CENPE: variants seen among roughly 807,000 people sequenced by gnomAD.
CENPE encodes the protein centromere protein E, also known as centromere-associated protein E.
A neutral mutation model predicts 336.1 loss-of-function variants in CENPE; 145 were observed. That is an observed-to-expected ratio of 0.43 (90% CI 0.38 to 0.50). The LOEUF is 0.50. Ranked by LOEUF, CENPE falls within the 20% of genes least tolerant of loss-of-function variation. The pLI, the probability that CENPE is intolerant of heterozygous loss-of-function variation, is 0.00. For synonymous variants in CENPE, 1,013 were observed against 984.8 expected, an observed-to-expected ratio of 1.03 and a Z score of -0.54; for missense variants, 2,719 against 3,023.3, an observed-to-expected ratio of 0.90 and a Z score of 2.36.
At position 103,147,592 on chromosome 4, in the gene CENPE, C is replaced by T. The variant is rs566313458; in HGVS notation, c.3898G>A (p.Glu1300Lys). The T allele has an allele frequency of 6.2e-7, 1 of 1,613,710 alleles. No individual in the cohort carries two copies. The highest frequency in any genetic ancestry group is 1.1e-5 in the South Asian group (1 of 91,072). Residue 1300 changes from glutamate (E) to lysine (K), a missense_variant, in exon 29 of 49, where the codon GAG (glutamate) becomes AAG (lysine). Physicochemically the swap from Glu to Lys is moderately conservative, Grantham distance 56. Around this residue, in one of 5 missense-constraint regions of CENPE, gnomAD observed 2,437 missense variants for 2,513.3 expected, o/e 0.97. Transcript: ENST00000265148. The part of the protein sequence containing the change: ...ELLPNVKEVS[E>K]TQETMNELEL... ...AGTTCATTCATTGTTTCCTGAGTCT[C>T]ACTGACTTCTTTCACATTAGGCAGT...
chr4:103,120,401 C>G, intron 43 of CENPE, 68 bp from the exon 44 acceptor site: 1 of 1,275,818 alleles, frequency 7.8e-7, no homozygotes, highest in Non-Finnish European at 1.1e-6. Flanking sequence ...AAATTTGAGA[C>G]AGAGATGATC....
rs201557442 is a variant in CENPE at position 103,149,105 on chromosome 4, G to T, written c.3687+13C>A. 47 of 1,584,076 alleles carry T rather than the reference G, an allele frequency of 3.0e-5. 1 individual carries two copies. In the East Asian group the frequency reaches 9.8e-4, roughly 33 times the overall value. ...GAAACACTTAATAGATGAAGGAAAA[G>T]GGTATAACTTACTGTAGCTTCAATT... On this transcript the variant is annotated intron_variant, in intron 27 of 48. Transcript: ENST00000265148.
intron 20 of CENPE, 80 bp from the exon 21 acceptor site, chr4:103,160,859 T>G (rs1754385024): frequency 8.2e-7 from 1 of 1,223,278 alleles, no homozygotes; most frequent in Non-Finnish European, 1.1e-6. Context: ...TTGAATCACC[T>G]TTTTCAGGAT....
chr4:103,124,864 G>A (rs964257440), intron 42 of CENPE, among the ~76,000 whole-genome samples: 1 of 152,060 alleles, frequency 6.6e-6, no homozygotes, highest in South Asian at 2.1e-4. Context: ...CTTGGCTCTG[G>A]ACTATGCACC....
rs1309233817 is a variant in CENPE, at chr4:103,145,205, C to G, written c.4702G>C (p.Glu1568Gln). The G allele has an allele frequency of 6.2e-7, 1 of 1,613,572 alleles. No individual in the cohort carries two copies. Among genetic ancestry groups the G allele is most frequent in the African/African-American group, 1.3e-5 (1 of 74,900 alleles). Residue 1568 changes from glutamate (E) to glutamine (Q), a missense_variant, in exon 32 of 49, where the codon GAA becomes CAA. Glu to Gln is a conservative substitution (Grantham distance 29, BLOSUM62 2). Transcript: ENST00000265148. ...TTGGTCAACTCGAGCATCTTACTTTCTATACTTTGTAGTGCTGAATCCTTG... is the reference window on the plus strand; with the variant it reads ...TTGGTCAACTCGAGCATCTTACTTTGTATACTTTGTAGTGCTGAATCCTTG... ...KAKDSALQSI[E>Q]SKMLELTNRL...
intron 15 of CENPE, 55 bp from the exon 16 acceptor site, chr4:103,174,958 C>G: frequency 1.8e-6 from 2 of 1,130,374 alleles, no homozygotes; most frequent in Non-Finnish European, 2.4e-6. Context: ...TTTTTTGTTT[C>G]CTTAATAAAA....
chr4:103,114,932 T>C (rs1749947950), intron 45 of CENPE, among the ~76,000 whole-genome samples: 1 of 152,176 alleles, frequency 6.6e-6, no homozygotes, highest in African/African-American at 2.4e-5. Context: ...TTTATTTCTG[T>C]ATGGTCAGGA....
At position 103,140,796 on chromosome 4, in the gene CENPE, A is replaced by T. The variant is rs1752488026; in HGVS notation, c.5754+18T>A. Reference sequence around the variant, plus strand: ...ATATGTGAATATAATGGTAGGGTAAAGAGAGAACACAACTCACTCTAGCTT... The same window carrying T: ...ATATGTGAATATAATGGTAGGGTAATGAGAGAACACAACTCACTCTAGCTT... On this transcript the variant is annotated intron_variant, in intron 36 of 48. Coordinates refer to ENST00000265148, the MANE Select transcript of CENPE (RefSeq NM_001813.3). The T allele has an allele frequency of 8.3e-6, 13 of 1,559,570 alleles. No homozygotes were observed. The highest frequency in any genetic ancestry group is 1.0e-5 in the Non-Finnish European group (12 of 1,159,572).
At chr4:103,111,869 A>T (rs1578529249) in intron 46 of CENPE, among the ~76,000 whole-genome samples, 1 of 152,160 alleles carries the variant, frequency 6.6e-6, no homozygotes, top group East Asian at 1.9e-4. Flanking sequence ...ATTTTTGGAA[A>T]CAAGTGGACT....
At chr4:103,187,525 A>AACTG (rs1489416230) in intron 8 of CENPE, among the ~76,000 whole-genome samples, 3 of 152,250 alleles carry the variant, frequency 2.0e-5, no homozygotes, top group Non-Finnish European at 4.4e-5. Flanking sequence ...TATTCAACCC[A>AACTG]GAATTTCATA....
intron 10 of CENPE, 83 bp from the exon 11 acceptor site, chr4:103,182,974 A>G: frequency 1.5e-6 from 2 of 1,365,382 alleles, no homozygotes; most frequent in Non-Finnish European, 1.0e-6. Context: ...CAGAACTCTT[A>G]AATCAGCCAG....
rs140870425 is a variant in CENPE at position 103,182,819 on chromosome 4, T to A, written c.906A>T (p.Thr302=). Residue 302 remains threonine, a synonymous_variant, in exon 11 of 49, where the codon ACA becomes ACT. Coordinates refer to ENST00000265148, the MANE Select transcript of CENPE (RefSeq NM_001813.3). ...LQNSLGGNAK[T]RIICTITPVS... is the part of the protein sequence containing the mutation. ...CTGGAGTAATTGTGCAGATAATACG[T>A]GTCTTTGCATTTCCTCCCAAGGAAT... 2.5e-6 allele frequency: 4 copies of A among 1,612,592 alleles called. No individual in the cohort carries two copies. The highest frequency in any genetic ancestry group is 1.3e-5 in the African/African-American group (1 of 74,900).
Position 103,106,371 on chromosome 4 carries a change from AAGCAC to A in CENPE, c.8012-60_8012-56del. 2.2e-6 allele frequency: 3 copies of A among 1,362,026 alleles called. 1 individual carries two copies. The highest frequency in any genetic ancestry group is 3.1e-6 in the Non-Finnish European group (3 of 974,086). 84.4% of individuals were successfully genotyped at this position (1,362,026 alleles called of 1,614,324 possible). On this transcript the variant is annotated intron_variant, in intron 48 of 48. Transcript: ENST00000265148. ...CCTATTACAAAAATACACAAAAACC[AAGCAC>A]AGCTGGAAGTGGAAAGGAGGTTAAG... is the stretch of plus-strand genomic sequence containing the variant.
In CENPE at chr4:103,163,560, G is replaced by T; in HGVS notation, c.1648-7C>A. 1 of 1,479,108 alleles carries T rather than the reference G, an allele frequency of 6.8e-7. No individual in the cohort carries two copies. The highest frequency in any genetic ancestry group is 1.2e-5 in the South Asian group (1 of 81,132). The allele number at this position is 1,479,108 out of a possible 1,614,324, so 91.6% of individuals were successfully genotyped here. On this transcript the variant is annotated splice_region_variant and splice_polypyrimidine_tract_variant and intron_variant, in intron 16 of 48. Transcript: ENST00000265148. The stretch of plus-strand genomic sequence containing the variant: ...TTTCATGAATTAGTTGCATCTGTAA[G>T]AGCATGTGAACAGGTAACAGAGCAA...
intron 9 of CENPE, among the ~76,000 whole-genome samples, chr4:103,183,627 T>C (rs1756505032): frequency 6.6e-6 from 1 of 152,166 alleles, no homozygotes; most frequent in Admixed American, 6.6e-5. Flanking sequence ...TATAGGCAAC[T>C]ATGAACTTAC....
rs534036406 is a variant in CENPE at position 103,125,288 on chromosome 4, G to T, written c.6925-2199C>A. On this transcript the variant is annotated intron_variant, in intron 42 of 48. Coordinates refer to ENST00000265148, the MANE Select transcript of CENPE (RefSeq NM_001813.3). ...TTTTGGAAACTATAATATTAATCTA[G>T]CTACCATTGCTCCAATTTAATATAA... 2.6e-5 allele frequency among the ~76,000 whole-genome samples: 4 copies of T among 152,208 alleles called. No homozygotes were observed. The South Asian group carries it at 8.3e-4, about 32-fold the overall frequency.
At chr4:103,165,719 C>G (rs967004210) in intron 16 of CENPE, among the ~76,000 whole-genome samples, 1 of 151,964 alleles carries the variant, frequency 6.6e-6, no homozygotes, top group African/African-American at 2.4e-5. Flanking sequence ...AGCAGTGGCT[C>G]ACACCTGTAA....
intron 8 of CENPE, among the ~76,000 whole-genome samples, chr4:103,188,448 G>C (rs1757000398): frequency 6.6e-6 from 1 of 152,132 alleles, no homozygotes; most frequent in South Asian, 2.1e-4. Flanking sequence ...CTGTCTCTCA[G>C]ACCACAGTGC....
intron 34 of CENPE, among the ~76,000 whole-genome samples, chr4:103,142,923 C>T (rs1409915769): frequency 6.8e-6 from 1 of 147,094 alleles, no homozygotes; most frequent in Non-Finnish European, 1.5e-5. Flanking sequence ...GCAGGAGAAT[C>T]GCTTGAACCC....
Sources: allele counts gnomAD v4.1 joint callset (sites outside exome capture counted in the v4.1 genomes callset), GRCh38; gene constraint gnomAD v4.1.1; regional missense constraint gnomAD v4.1.1; transcripts MANE v1.5; gene names NCBI Gene and HGNC (gene_info 2026-07-23, HGNC 2026-07-21).